The following SEMA3C variants were observed in gnomAD, a reference collection of about 807,000 sequenced individuals.
The protein encoded by SEMA3C is semaphorin-3C.
A neutral mutation model predicts 89.4 loss-of-function variants in SEMA3C; 47 were observed. The observed-to-expected ratio is 0.53, with a 90% CI of 0.42 to 0.67. SEMA3C has a LOEUF of 0.67. Ranked by LOEUF, SEMA3C falls within the 30% of genes least tolerant of loss-of-function variation. SEMA3C has a pLI of 0.00. For synonymous variants in SEMA3C, 310 were observed against 320.2 expected (o/e 0.97, Z 0.34); for missense variants, 839 against 929.1 (o/e 0.90, Z 1.26).
At chr7:80,874,529 C>T (rs990794917) in intron 2 of SEMA3C, among the ~76,000 whole-genome samples, 2 of 151,716 alleles carry the variant, frequency 1.3e-5, no homozygotes, top group African/African-American at 2.4e-5. Flanking sequence ...TGCAATGGCA[C>T]GATCTTGGCT....
intron 12 of SEMA3C, among the ~76,000 whole-genome samples, chr7:80,769,892 C>T (rs1354032055): frequency 7.4e-6 from 1 of 135,384 alleles, no homozygotes; most frequent in Non-Finnish European, 1.6e-5. Flanking sequence ...AAAAAAACCA[C>T]AATACAAAAG....
intron 2 of SEMA3C, among the ~76,000 whole-genome samples, chr7:80,851,503 T>C: frequency 1.3e-5 from 1 of 77,602 alleles, no homozygotes; most frequent in Non-Finnish European, 2.4e-5. Context: ...ACTCTTGTCT[T>C]TAAAAAAAAA....
intron 15 of SEMA3C, among the ~76,000 whole-genome samples, chr7:80,755,474 G>C (rs1788044506): frequency 6.6e-6 from 1 of 150,884 alleles, no homozygotes. Context: ...ACAAGTCTTT[G>C]CTGAGAAGGA....
chr7:80,802,229 T>C (rs1789225724), intron 9 of SEMA3C, among the ~76,000 whole-genome samples: 1 of 152,126 alleles, frequency 6.6e-6, no homozygotes, highest in Admixed American at 6.6e-5. Context: ...AGTCTCCAAA[T>C]TTCTACTCTG....
At chr7:80,915,059 T>G (rs904187125) in intron 2 of SEMA3C, among the ~76,000 whole-genome samples, 2 of 152,220 alleles carry the variant, frequency 1.3e-5, no homozygotes, top group African/African-American at 4.8e-5. Context: ...GGTAGAGACA[T>G]CTAATCTATT....
At chr7:80,795,659 A>T (rs1017579983) in intron 11 of SEMA3C, among the ~76,000 whole-genome samples, 1 of 152,170 alleles carries the variant, frequency 6.6e-6, no homozygotes, top group Non-Finnish European at 1.5e-5. Flanking sequence ...CCTACATTTT[A>T]TGTAGAACAA....
intron 2 of SEMA3C, among the ~76,000 whole-genome samples, chr7:80,851,618 A>C (rs751006940): frequency 1.3e-5 from 2 of 151,894 alleles, no homozygotes; most frequent in Non-Finnish European, 2.9e-5. Context: ...TGACAATACT[A>C]ACTATGGTTT....
chr7:80,824,416 G>A (rs774486737), intron 4 of SEMA3C, among the ~76,000 whole-genome samples: 16 of 152,100 alleles, frequency 1.1e-4, no homozygotes, highest in Non-Finnish European at 2.1e-4. Flanking sequence ...TGACCTGAAG[G>A]GGTGAGTAGA....
intron 4 of SEMA3C, 89 bp downstream of exon 4, chr7:80,827,336 T>G: frequency 7.5e-7 from 1 of 1,325,638 alleles, no homozygotes; most frequent in Non-Finnish European, 9.9e-7. Flanking sequence ...CATCCTTGTC[T>G]CATTTTTGGC....
At chr7:80,802,612 T>C (rs145500972) in intron 9 of SEMA3C, 53 bp downstream of exon 9, 5 of 1,206,246 alleles carry the variant, frequency 4.1e-6, no homozygotes, top group South Asian at 3.9e-5. Flanking sequence ...TTTAAATATA[T>C]AAACTTTACA....
chr7:80,767,963 A>C (rs1355919109), intron 12 of SEMA3C, among the ~76,000 whole-genome samples: 1 of 152,242 alleles, frequency 6.6e-6, no homozygotes, highest in African/African-American at 2.4e-5. Flanking sequence ...CAAACTGAAA[A>C]ATAAAAATCC....
chr7:80,869,326 C>A (rs1315399504), intron 2 of SEMA3C, among the ~76,000 whole-genome samples: 1 of 152,146 alleles, frequency 6.6e-6, no homozygotes, highest in Non-Finnish European at 1.5e-5. Context: ...CATTACAAGA[C>A]AAGCAGGGAT....
At chr7:80,817,921 A>T (rs576460636) in intron 5 of SEMA3C, among the ~76,000 whole-genome samples, 2 of 152,234 alleles carry the variant, frequency 1.3e-5, no homozygotes, top group Non-Finnish European at 2.9e-5. Context: ...AGCAAATATT[A>T]TTACTGTATT....
At chr7:80,824,515 G>A (rs943628303) in intron 4 of SEMA3C, among the ~76,000 whole-genome samples, 10 of 152,048 alleles carry the variant, frequency 6.6e-5, no homozygotes, top group African/African-American at 2.4e-4. Context: ...AAGAGAGAGA[G>A]GGTACAACTT....
chr7:80,868,794 C>G (rs1454488959), intron 2 of SEMA3C, among the ~76,000 whole-genome samples: 1 of 152,052 alleles, frequency 6.6e-6, no homozygotes, highest in Non-Finnish European at 1.5e-5. Context: ...TGTGGTTATA[C>G]AGCCCATTAC....
intron 2 of SEMA3C, among the ~76,000 whole-genome samples, chr7:80,902,626 A>G (rs1298451125): frequency 1.3e-5 from 2 of 152,218 alleles, no homozygotes; most frequent in African/African-American, 2.4e-5. Flanking sequence ...ACTAACATCA[A>G]TGATTCATTT....
At position 80,749,027 on chromosome 7, in the gene SEMA3C, T is replaced by C. The variant is rs201228749; in HGVS notation, c.1713A>G (p.Ala571=). ...GGACAATTTCAGCTGCATTTCTGTA[T>C]GCTAGCAGGCAAAAATAAAAGGCGA... ...LTQCRGFNLK[A]YRNAAEIVQY... The change falls in exon 17 of 18, where the codon GCA becomes GCG. Residue 571 remains alanine (A), a splice_region_variant and synonymous_variant. Coordinates refer to ENST00000265361, the MANE Select transcript of SEMA3C (RefSeq NM_006379.5). 68 of 1,597,138 alleles carry C rather than the reference T, an allele frequency of 4.3e-5. 2 individuals carry two copies. The South Asian group carries it at 5.9e-4, about 14-fold the overall frequency.
At chr7:80,876,091 A>C (rs2116074586) in intron 2 of SEMA3C, among the ~76,000 whole-genome samples, 2 of 152,244 alleles carry the variant, frequency 1.3e-5, no homozygotes, top group Middle Eastern at 3.4e-3. Flanking sequence ...ATGGAAATCG[A>C]GTTTGCCACC....
intron 12 of SEMA3C, among the ~76,000 whole-genome samples, chr7:80,786,459 C>T (rs945137246): frequency 1.3e-5 from 2 of 149,846 alleles, no homozygotes. Flanking sequence ...ACAGGCTTCA[C>T]AAGAAAAAAA....
Sources: gnomAD v4.1 joint callset for allele counts (sites outside exome capture counted in the v4.1 genomes callset) on GRCh38, gnomAD v4.1.1 for gene constraint, MANE v1.5 for transcripts, NCBI Gene and HGNC (gene_info 2026-07-23, HGNC 2026-07-21) for gene names.